The following CSMD1 variants were observed in gnomAD, a reference collection of about 807,000 sequenced individuals.
CSMD1 encodes the protein CUB and Sushi multiple domains 1, also known as CUB and sushi domain-containing protein 1.
CSMD1 carries 213 observed loss-of-function variants against 417.5 expected under a neutral mutation model. The observed-to-expected ratio is 0.51, with a 90% confidence interval of 0.46 to 0.57. CSMD1 has a LOEUF of 0.57. Ranked by LOEUF, CSMD1 falls within the 20% of genes least tolerant of loss-of-function variation. The pLI, the probability that CSMD1 is intolerant of heterozygous loss-of-function variation, is 0.00. For missense variants in CSMD1, 6,923 were observed against 4,529.7 expected (o/e 1.53, Z -15.17); for synonymous variants, 2,862 against 1,736.8 (o/e 1.65, Z -16.11).
At chr8:3,257,026 G>A (rs1159700324) in intron 26 of CSMD1, among the ~76,000 whole-genome samples, 1 of 152,114 alleles carries the variant, frequency 6.6e-6, no homozygotes, top group African/African-American at 2.4e-5. Flanking sequence ...CCTTCATTCA[G>A]AAATACTTCT....
chr8:3,576,374 C>CTCA (rs1800152699), intron 9 of CSMD1, among the ~76,000 whole-genome samples: 1 of 135,320 alleles, frequency 7.4e-6, no homozygotes, highest in Non-Finnish European at 1.6e-5. Flanking sequence ...GAGATCTCTC[C>CTCA]TAAATGGTTA....
At position 3,643,919 on chromosome 8, in the gene CSMD1, A is replaced by C. The variant is rs532469475; in HGVS notation, c.1010-27122T>G. On this transcript the variant is annotated intron_variant, in intron 7 of 69. Coordinates refer to ENST00000635120, the MANE Select transcript of CSMD1 (RefSeq NM_033225.6). Reference sequence around the variant, plus strand: ...TCTGGGCAAGAGATGAACAAAACCTAAAGGGATTTGTGTATTTAGTTGGAT... The same window carrying C: ...TCTGGGCAAGAGATGAACAAAACCTCAAGGGATTTGTGTATTTAGTTGGAT... Among the ~76,000 whole-genome samples the C allele has an allele frequency of 6.1e-4, 93 of 152,304 alleles. 1 individual carries two copies. The highest frequency in any genetic ancestry group is 2.7e-3 in the Admixed American group (42 of 15,304).
At chr8:4,881,443 CT>C in intron 1 of CSMD1, among the ~76,000 whole-genome samples, 1 of 46,900 alleles carries the variant, frequency 2.1e-5, no homozygotes. Context: ...ATCTATCTAT[CT>C]ATCTATCTAT....
chr8:3,284,579 A>C (rs190802569), intron 25 of CSMD1: 1 of 525,884 alleles, frequency 1.9e-6, no homozygotes, highest in Non-Finnish European at 3.4e-6. Context: ...GCAGAGAGAT[A>C]GGTGAGCTAG....
At chr8:3,670,028 G>C (rs906947730) in intron 7 of CSMD1, among the ~76,000 whole-genome samples, 11 of 152,300 alleles carry the variant, frequency 7.2e-5, no homozygotes, top group African/African-American at 2.6e-4. Context: ...GTAAAAGGCA[G>C]TGAAATGTTC....
intron 25 of CSMD1, among the ~76,000 whole-genome samples, chr8:3,294,178 C>A (rs1032288469): frequency 6.6e-6 from 1 of 152,158 alleles, no homozygotes; most frequent in Non-Finnish European, 1.5e-5. Context: ...TCTGATCATT[C>A]CTCTGGAAGT....
At chr8:4,864,272 C>T (rs1802299804) in intron 1 of CSMD1, among the ~76,000 whole-genome samples, 1 of 151,860 alleles carries the variant, frequency 6.6e-6, no homozygotes, top group Non-Finnish European at 1.5e-5. Context: ...CATACCTACA[C>T]ACACAAAGAC....
At chr8:4,380,175 C>G (rs911683730) in intron 3 of CSMD1, among the ~76,000 whole-genome samples, 1 of 152,140 alleles carries the variant, frequency 6.6e-6, no homozygotes, top group Non-Finnish European at 1.5e-5. Context: ...ATGTAACTCC[C>G]TTAGGAGGGC....
chr8:4,589,689 G>C (rs1307332089), intron 2 of CSMD1, among the ~76,000 whole-genome samples: 1 of 152,154 alleles, frequency 6.6e-6, no homozygotes, highest in East Asian at 1.9e-4. Flanking sequence ...CTCCGCAATT[G>C]TTGAATGGTA....
chr8:3,332,727 G>T (rs1004981680), intron 23 of CSMD1, among the ~76,000 whole-genome samples: 1 of 152,220 alleles, frequency 6.6e-6, no homozygotes, highest in Non-Finnish European at 1.5e-5. Flanking sequence ...AATTATCTGA[G>T]ATGGAAGGAA....
At chr8:4,071,783 C>A (rs908493642) in intron 3 of CSMD1, among the ~76,000 whole-genome samples, 4 of 152,022 alleles carry the variant, frequency 2.6e-5, no homozygotes, top group African/African-American at 9.7e-5. Flanking sequence ...TATTCCTTGG[C>A]AGGAAATTAA....
At chr8:4,246,076 T>A (rs996783145) in intron 3 of CSMD1, among the ~76,000 whole-genome samples, 8 of 152,160 alleles carry the variant, frequency 5.3e-5, no homozygotes, top group Admixed American at 4.6e-4. Context: ...GTTTGTTACT[T>A]AAGTAAACTT....
At chr8:3,367,364 G>A in intron 19 of CSMD1, 117 bp from the exon 20 acceptor site, 2 of 663,440 alleles carry the variant, frequency 3.0e-6, no homozygotes, top group Admixed American at 5.0e-5. Flanking sequence ...GAGATGGAGA[G>A]GAAGAGAAAA....
intron 56 of CSMD1, 130 bp downstream of exon 56, chr8:2,974,321 A>T: frequency 1.2e-6 from 1 of 848,322 alleles, no homozygotes; most frequent in South Asian, 2.4e-5. Context: ...CTAGAAATGC[A>T]ATACTAATTT....
intron 3 of CSMD1, among the ~76,000 whole-genome samples, chr8:4,394,771 C>A (rs987483945): frequency 1.3e-5 from 2 of 152,138 alleles, no homozygotes; most frequent in African/African-American, 2.4e-5. Context: ...CCATCTGCAC[C>A]TTCCTGTTGA....
chr8:3,743,984 C>A (rs189844128), intron 6 of CSMD1, among the ~76,000 whole-genome samples: 3 of 152,292 alleles, frequency 2.0e-5, no homozygotes, highest in Admixed American at 6.5e-5. Flanking sequence ...TCTTCCCCTA[C>A]CCCCGTTACA....
chr8:3,880,866 A>C (rs938122241), intron 5 of CSMD1, among the ~76,000 whole-genome samples: 1 of 152,166 alleles, frequency 6.6e-6, no homozygotes, highest in Non-Finnish European at 1.5e-5. Flanking sequence ...TTCTAATACA[A>C]ATTTTTCTAG....
At chr8:4,718,780 T>C (rs904801329) in intron 1 of CSMD1, among the ~76,000 whole-genome samples, 8 of 152,004 alleles carry the variant, frequency 5.3e-5, no homozygotes, top group Middle Eastern at 3.4e-3. Flanking sequence ...TTTAAAGCAA[T>C]AGAAACTTAA....
chr8:3,822,399 A>C (rs1449804896), intron 5 of CSMD1, among the ~76,000 whole-genome samples: 1 of 152,208 alleles, frequency 6.6e-6, no homozygotes, highest in Admixed American at 6.5e-5. Context: ...AAGAGTCTGA[A>C]ACCTTGGGCA....
Sources: gnomAD v4.1 joint callset for allele counts (sites outside exome capture counted in the v4.1 genomes callset) on GRCh38, gnomAD v4.1.1 for gene constraint, MANE v1.5 for transcripts, NCBI Gene and HGNC (gene_info 2026-07-23, HGNC 2026-07-21) for gene names.